SRL: variants seen among roughly 807,000 people sequenced by gnomAD.
The protein encoded by SRL is sarcalumenin.
In SRL, 23 loss-of-function variants were observed where a neutral mutation model predicts 39.5. The ratio of observed to expected loss-of-function variants is 0.58; its 90% confidence interval spans 0.42 to 0.82. The LOEUF (loss-of-function observed/expected upper bound fraction) is 0.82, where lower values mean the gene tolerates loss of function less well. Ranked by LOEUF, SRL falls within the 40% of genes least tolerant of loss-of-function variation. SRL has a pLI of 0.00. For synonymous variants in SRL, 272 were observed against 237.4 expected (o/e 1.15, Z -1.34); for missense variants, 592 against 607.8 (o/e 0.97, Z 0.27).
rs113251895 is a variant in SRL, at chr16:4,224,783, T to C, written c.61+17224A>G. On this transcript the variant is annotated intron_variant, in intron 1 of 5. Transcript: ENST00000399609. ...CAGAATGTATATCCACACAAAAAAC[T>C]GTACACTGATGTTTATGAGCAGTGT... is the stretch of plus-strand genomic sequence containing the variant. 2.1e-3 allele frequency among the ~76,000 whole-genome samples: 315 copies of C among 151,636 alleles called. 1 individual carries two copies. Among genetic ancestry groups the C allele is most frequent in the African/African-American group, 7.2e-3 (297 of 41,322 alleles).
chr16:4,190,719 T>C lies in SRL; in HGVS notation c.*1434A>G, dbSNP rs1170947956. 3 of 368,796 alleles carry C rather than the reference T, an allele frequency of 8.1e-6. No individual in the cohort carries two copies. The highest frequency in any genetic ancestry group is 1.4e-5 in the Non-Finnish European group (3 of 207,104). 22.8% of individuals were successfully genotyped at this position (368,796 alleles called of 1,614,324 possible). On this transcript the variant is annotated 3_prime_UTR_variant, in exon 6 of 6. Coordinates refer to ENST00000399609, the MANE Select transcript of SRL (RefSeq NM_001098814.2). ...GCGGTGTGTTCAGTGGACATCTGCA[T>C]CAAGGTCAGGCGGGAAGGTCAATGT...
At chr16:4,214,607 T>G (rs145037092) in intron 1 of SRL, among the ~76,000 whole-genome samples, 2 of 152,068 alleles carry the variant, frequency 1.3e-5, no homozygotes, top group African/African-American at 4.8e-5. Context: ...ACAGAGTTCA[T>G]GCCGCAGAGC....
chr16:4,195,704 A>G lies in SRL; in HGVS notation c.459T>C (p.Ala153=), dbSNP rs1393623790. The change falls in exon 5 of 6, where the codon GCT becomes GCC. Residue 153 remains alanine, a synonymous_variant. Transcript: ENST00000399609. ...GGGGTGAGAAGGAACGGGCGCTGTC[A>G]GCAGCCATGACGATGCCCTCGATGG... is the stretch of plus-strand genomic sequence containing the variant. ...LKTIEGIVMA[A]DSARSFSPLE... The G allele has an allele frequency of 6.2e-7, 1 of 1,614,140 alleles. No individual in the cohort carries two copies. Among genetic ancestry groups the G allele is most frequent in the East Asian group, 2.2e-5 (1 of 44,870 alleles).
chr16:4,194,544 A>C (rs2052110760), intron 5 of SRL, among the ~76,000 whole-genome samples: 1 of 152,186 alleles, frequency 6.6e-6, no homozygotes, highest in Admixed American at 6.5e-5. Flanking sequence ...GCCCAGGAGC[A>C]CCAAACCCAA....
At chr16:4,223,293 AAAAG>A (rs1269917691) in intron 1 of SRL, among the ~76,000 whole-genome samples, 1 of 151,966 alleles carries the variant, frequency 6.6e-6, no homozygotes, top group Non-Finnish European at 1.5e-5. Flanking sequence ...TGATTGAAAA[AAAAG>A]AAAGAAAAAG....
chr16:4,198,472 A>T (rs1461248141), intron 3 of SRL, among the ~76,000 whole-genome samples: 1 of 152,032 alleles, frequency 6.6e-6, no homozygotes, highest in Non-Finnish European at 1.5e-5. Context: ...TTTTGTTTAG[A>T]ATCAGGGTCT....
In SRL at chr16:4,192,015, T is replaced by C; in HGVS notation, c.*138A>G. 1 of 956,398 alleles carries C rather than the reference T, an allele frequency of 1.0e-6. No individual in the cohort carries two copies. Among genetic ancestry groups the C allele is most frequent in the Non-Finnish European group, 1.6e-6 (1 of 634,656 alleles). The allele number at this position is 956,398 out of a possible 1,614,324, so 59.2% of individuals were successfully genotyped here. A position where few individuals can be genotyped will look rare whatever the true frequency, so the allele number is the denominator to read the frequency against. ...AGACCCACACACCTGCCCCGACCCCTGGCCTCAATGAACTCCCAACTCTCC... is the reference window on the plus strand; with the variant it reads ...AGACCCACACACCTGCCCCGACCCCCGGCCTCAATGAACTCCCAACTCTCC... On this transcript the variant is annotated 3_prime_UTR_variant, in exon 6 of 6. Coordinates refer to ENST00000399609, the MANE Select transcript of SRL (RefSeq NM_001098814.2). The surrounding 1 kb of genome is among the most constrained non-coding windows in gnomAD (Gnocchi z 4.0).
In SRL at chr16:4,192,547, T is replaced by C; in HGVS notation, c.1028A>G (p.His343Arg). The C allele has an allele frequency of 1.9e-6, 3 of 1,614,158 alleles. No homozygotes were observed. The highest frequency in any genetic ancestry group is 2.5e-6 in the Non-Finnish European group (3 of 1,180,030). The change falls in exon 6 of 6, where the codon CAC (histidine) becomes CGC (arginine). Residue 343 changes from histidine to arginine, a missense_variant. His to Arg is a conservative substitution (Grantham distance 29). Coordinates refer to ENST00000399609, the MANE Select transcript of SRL (RefSeq NM_001098814.2). The surrounding 1 kb of genome is among the most constrained non-coding windows in gnomAD (Gnocchi z 4.0). ...IRQHAIRVRI[H>R]ALLVDRYLQT... ...CAGGTAGCGGTCAACCAGGAGGGCG[T>C]GGATGCGGACCCGGATGGCGTGCTG...
chr16:4,199,102 C>T (rs2052187089), intron 3 of SRL, among the ~76,000 whole-genome samples: 1 of 152,166 alleles, frequency 6.6e-6, no homozygotes, highest in Non-Finnish European at 1.5e-5. Flanking sequence ...AGACTCGTCT[C>T]CCTGAGGCCA....
intron 1 of SRL, among the ~76,000 whole-genome samples, chr16:4,230,435 T>C (rs1460898947): frequency 6.6e-6 from 1 of 151,006 alleles, no homozygotes; most frequent in Non-Finnish European, 1.5e-5. Context: ...GGCTGGAGTA[T>C]GGTGGTGCGA....
At chr16:4,219,233 TG>T (rs530897180) in intron 1 of SRL, among the ~76,000 whole-genome samples, 55 of 152,390 alleles carry the variant, frequency 3.6e-4, no homozygotes, top group South Asian at 2.3e-3. Context: ...CAAGGTCTCC[TG>T]ACCCCGCAGC....
chr16:4,192,987 G>A lies in SRL; in HGVS notation c.611-23C>T. On this transcript the variant is annotated intron_variant, in intron 5 of 5. Transcript: ENST00000399609. This position sits in a 1 kb window ranked among gnomAD's most constrained non-coding sequence, Gnocchi z 4.0. ...AGCCTTTGGGAGACAGAAGTGAGAA[G>A]TCAAACTGAGTAGGCCTCCCTCAAA... 1 of 1,588,818 alleles carries A rather than the reference G, an allele frequency of 6.3e-7. No homozygotes were observed. Among genetic ancestry groups the A allele is most frequent in the Non-Finnish European group, 8.6e-7 (1 of 1,168,550 alleles).
At chr16:4,199,602 C>G (rs1655139560) in intron 3 of SRL, among the ~76,000 whole-genome samples, 1 of 151,426 alleles carries the variant, frequency 6.6e-6, no homozygotes, top group African/African-American at 2.4e-5. Flanking sequence ...AACTCCTGGG[C>G]TCAAGAGATC....
At chr16:4,211,432 C>T (rs372206920) in intron 1 of SRL, among the ~76,000 whole-genome samples, 7 of 151,800 alleles carry the variant, frequency 4.6e-5, no homozygotes, top group African/African-American at 1.2e-4. Context: ...TGGTGATGAC[C>T]GTGCCGATGA....
intron 1 of SRL, chr16:4,206,921 C>A: frequency 2.2e-6 from 1 of 456,418 alleles, no homozygotes; most frequent in Non-Finnish European, 4.4e-6. Flanking sequence ...CCCTGGCTTC[C>A]TGGGGCTCCC....
chr16:4,236,338 T>TCTAGAAGAC (rs1202671975), intron 1 of SRL, among the ~76,000 whole-genome samples: 1 of 152,242 alleles, frequency 6.6e-6, no homozygotes, highest in African/African-American at 2.4e-5. Flanking sequence ...TCGCCCTTCT[T>TCTAGAAGAC]CTAGAAGACC....
intron 1 of SRL, among the ~76,000 whole-genome samples, chr16:4,227,521 G>A (rs577413429): frequency 6.6e-6 from 1 of 151,038 alleles, no homozygotes; most frequent in South Asian, 2.1e-4. Context: ...GGGTAGATGA[G>A]TAGATGGATG....
intron 1 of SRL, among the ~76,000 whole-genome samples, chr16:4,241,654 A>G (rs1306258048): frequency 1.3e-5 from 2 of 152,106 alleles, no homozygotes; most frequent in Non-Finnish European, 2.9e-5. Context: ...TCCAGCTCCC[A>G]GACTGTGCTA....
intron 1 of SRL, among the ~76,000 whole-genome samples, chr16:4,222,740 A>G (rs1266854167): frequency 6.6e-6 from 1 of 152,192 alleles, no homozygotes; most frequent in Non-Finnish European, 1.5e-5. Context: ...CCTGGCCAGC[A>G]CTTCTCAAGG....
Sources: gnomAD v4.1 joint callset for allele counts (sites outside exome capture counted in the v4.1 genomes callset) on GRCh38, gnomAD v4.1.1 for gene constraint, Gnocchi (gnomAD v3.1) non-coding constraint, MANE v1.5 for transcripts, NCBI Gene and HGNC (gene_info 2026-07-23, HGNC 2026-07-21) for gene names.